Variants in CACNA2D1 observed in about 807,000 individuals in gnomAD.
CACNA2D1 encodes voltage-dependent calcium channel subunit alpha-2/delta-1.
A neutral mutation model predicts 171.5 loss-of-function variants in CACNA2D1; 53 were observed. The ratio of observed to expected loss-of-function variants is 0.31; its 90% CI spans 0.25 to 0.39. The LOEUF (loss-of-function observed/expected upper bound fraction) is 0.39, where lower values mean the gene tolerates loss of function less well. Ranked by LOEUF, CACNA2D1 falls within the 10% of genes least tolerant of loss-of-function variation. The pLI is 1.00. For missense variants in CACNA2D1, 903 were observed against 1,299.8 expected, an observed-to-expected ratio of 0.69 and a Z score of 4.69; for synonymous variants, 442 against 443.1, an observed-to-expected ratio of 1.00 and a Z score of 0.03.
At chr7:82,245,662 T>TA (rs1804825380) in intron 3 of CACNA2D1, among the ~76,000 whole-genome samples, 1 of 145,378 alleles carries the variant, frequency 6.9e-6, no homozygotes, top group South Asian at 2.2e-4. Context: ...TCTCTCTCTC[T>TA]CACACACACA....
chr7:82,052,575 A>T (rs1032947059), intron 10 of CACNA2D1, among the ~76,000 whole-genome samples: 1 of 152,176 alleles, frequency 6.6e-6, no homozygotes, highest in Non-Finnish European at 1.5e-5. Flanking sequence ...ACTCAAAATA[A>T]AGCAGACTAA....
chr7:82,241,215 G>T (rs991786596), intron 3 of CACNA2D1, among the ~76,000 whole-genome samples: 1 of 152,048 alleles, frequency 6.6e-6, no homozygotes, highest in Admixed American at 6.6e-5. Context: ...CCCTGATTAC[G>T]AATCAGACAC....
chr7:82,209,324 G>A (rs1335695508), intron 3 of CACNA2D1, among the ~76,000 whole-genome samples: 5 of 152,088 alleles, frequency 3.3e-5, no homozygotes, highest in Admixed American at 6.6e-5. Context: ...TTGGCATAGG[G>A]GTTGGTAGAT....
At chr7:82,167,432 T>C (rs1795569124) in intron 4 of CACNA2D1, among the ~76,000 whole-genome samples, 1 of 152,002 alleles carries the variant, frequency 6.6e-6, no homozygotes, top group African/African-American at 2.4e-5. Flanking sequence ...CACCACCTAG[T>C]TTATTAGGAA....
chr7:81,956,571 G>A (rs902627649), intron 38 of CACNA2D1, among the ~76,000 whole-genome samples: 1 of 152,020 alleles, frequency 6.6e-6, no homozygotes, highest in African/African-American at 2.4e-5. Flanking sequence ...TTAAAGCAAC[G>A]TTTCCTTACT....
At chr7:82,163,828 G>C (rs1410950221) in intron 4 of CACNA2D1, among the ~76,000 whole-genome samples, 2 of 151,946 alleles carry the variant, frequency 1.3e-5, no homozygotes, top group African/African-American at 4.8e-5. Flanking sequence ...CAACTTGCTT[G>C]TGAACACCTG....
chr7:82,208,567 C>T (rs1008377130), intron 3 of CACNA2D1, among the ~76,000 whole-genome samples: 12 of 152,114 alleles, frequency 7.9e-5, no homozygotes, highest in African/African-American at 2.9e-4. Flanking sequence ...TATTCTAAAT[C>T]TACTATTCAT....
At chr7:82,133,074 G>T (rs1028973015) in intron 5 of CACNA2D1, among the ~76,000 whole-genome samples, 1 of 152,040 alleles carries the variant, frequency 6.6e-6, no homozygotes, top group Non-Finnish European at 1.5e-5. Flanking sequence ...TCTACAAGTA[G>T]AATTATATTT....
At chr7:82,330,228 T>A (rs992105209) in intron 3 of CACNA2D1, among the ~76,000 whole-genome samples, 2 of 151,818 alleles carry the variant, frequency 1.3e-5, no homozygotes, top group African/African-American at 4.8e-5. Flanking sequence ...TAGTTTAGAG[T>A]CAAACATATA....
intron 5 of CACNA2D1, among the ~76,000 whole-genome samples, chr7:82,130,747 T>C (rs1487815424): frequency 2.0e-5 from 3 of 150,828 alleles, no homozygotes; most frequent in Admixed American, 6.6e-5. Context: ...ATATTTAAAA[T>C]AGAAACTTTA....
chr7:81,978,002 G>A (rs1407946392), intron 24 of CACNA2D1, among the ~76,000 whole-genome samples: 1 of 152,156 alleles, frequency 6.6e-6, no homozygotes, highest in African/African-American at 2.4e-5. Context: ...ATCACCACTG[G>A]TCATTACAGA....
intron 6 of CACNA2D1, among the ~76,000 whole-genome samples, chr7:82,110,665 C>T (rs1033966809): frequency 1.3e-5 from 2 of 152,126 alleles, no homozygotes; most frequent in African/African-American, 4.8e-5. Flanking sequence ...TATGAGCCCA[C>T]CATGCTCCTG....
At chr7:82,412,313 TGC>T in intron 1 of CACNA2D1, among the ~76,000 whole-genome samples, 1 of 150,356 alleles carries the variant, frequency 6.7e-6, no homozygotes, top group African/African-American at 2.5e-5. Flanking sequence ...GACACAGCCT[TGC>T]TTTGTCACCC....
At chr7:82,066,627 A>G in intron 7 of CACNA2D1, 103 bp from the exon 8 acceptor site, 1 of 1,446,404 alleles carries the variant, frequency 6.9e-7, no homozygotes, top group East Asian at 2.5e-5. Context: ...ACATAATTTC[A>G]CTTACGTACT....
At position 82,066,401 on chromosome 7, in the gene CACNA2D1, A is replaced by AAT. The variant is rs1409175467; in HGVS notation, c.728+52_728+53dup. 1.2e-5 allele frequency: 19 copies of AAT among 1,600,138 alleles called. No individual in the cohort carries two copies. The Middle Eastern group carries it at 5.0e-4, about 42-fold the overall frequency. Reference sequence around the variant, plus strand: ...AATAAAAAATTCTGACTTTTTAGCAAATATATATCTTCTTGCCTATTTTAT... The same window carrying AAT: ...AATAAAAAATTCTGACTTTTTAGCAAATATATATATCTTCTTGCCTATTTTAT... On this transcript the variant is annotated intron_variant, in intron 8 of 38. Transcript: ENST00000356860.
intron 5 of CACNA2D1, among the ~76,000 whole-genome samples, chr7:82,122,602 A>C (rs1200678693): frequency 6.6e-6 from 1 of 151,848 alleles, no homozygotes; most frequent in African/African-American, 2.4e-5. Flanking sequence ...AAAGGGATGT[A>C]ATACAGTGCT....
At chr7:81,951,449 C>T (rs776570437) in intron 38 of CACNA2D1, among the ~76,000 whole-genome samples, 7 of 152,002 alleles carry the variant, frequency 4.6e-5, no homozygotes, top group East Asian at 3.9e-4. Flanking sequence ...CACCTGTCAC[C>T]CAAGCAATGT....
chr7:82,005,924 C>A, intron 16 of CACNA2D1, 85 bp from the exon 17 acceptor site: 1 of 832,862 alleles, frequency 1.2e-6, no homozygotes, highest in African/African-American at 1.7e-5. Context: ...CTTTTGCTTG[C>A]ATTATGGTTA....
chr7:82,236,287 T>G (rs1304497466), intron 3 of CACNA2D1, among the ~76,000 whole-genome samples: 1 of 152,134 alleles, frequency 6.6e-6, no homozygotes, highest in Admixed American at 6.6e-5. Context: ...GGATCCATTC[T>G]GTTTTAGGGT....
Sources: allele counts gnomAD v4.1 joint callset (sites outside exome capture counted in the v4.1 genomes callset), GRCh38; gene constraint gnomAD v4.1.1; transcripts MANE v1.5; gene names NCBI Gene and HGNC (gene_info 2026-07-23, HGNC 2026-07-21).